The following SETX variants were observed in gnomAD, a reference collection of about 807,000 sequenced individuals.
SETX encodes the protein helicase senataxin.
SETX carries 90 observed loss-of-function variants against 227.2 expected under a neutral mutation model. That is an observed-to-expected ratio of 0.40 (90% confidence interval 0.33 to 0.47). SETX has a LOEUF of 0.47. Ranked by LOEUF, SETX falls within the 20% of genes least tolerant of loss-of-function variation. SETX has a pLI of 0.91. For synonymous variants in SETX, 1,210 were observed against 1,113.2 expected (o/e 1.09, Z -1.73); for missense variants, 3,052 against 3,181.5 (o/e 0.96, Z 0.98).
In SETX at chr9:132,288,289, G is replaced by A. The variant is rs765042093; in HGVS notation, c.6271C>T (p.Leu2091=). The change falls in exon 17 of 26, where the codon CTG becomes TTG. Residue 2091 remains leucine, a synonymous_variant. Coordinates refer to ENST00000224140, the MANE Select transcript of SETX (RefSeq NM_015046.7). ...GCTCGCTGCCGGGAAAGCTCATCCA[G>A]CTGATAATCTAGAAATTCCTTTCTT... The part of the protein sequence containing the change: ...HKRKEFLDYQ[L]DELSRQRALC... The A allele has an allele frequency of 1.2e-6, 2 of 1,614,224 alleles. No homozygotes were observed. The highest frequency in any genetic ancestry group is 1.7e-6 in the Non-Finnish European group (2 of 1,180,032).
chr9:132,269,534 A>G, intron 25 of SETX, 81 bp downstream of exon 25: 2 of 1,608,416 alleles, frequency 1.2e-6, no homozygotes, highest in Non-Finnish European at 8.5e-7. Context: ...GAAATCATTT[A>G]CACTTTGATG....
intron 10 of SETX, among the ~76,000 whole-genome samples, chr9:132,313,525 G>A (rs1273889346): frequency 6.6e-6 from 1 of 152,128 alleles, no homozygotes; most frequent in African/African-American, 2.4e-5. Flanking sequence ...GAGAAACTTA[G>A]CTAGGTAAAA....
At chr9:132,350,150 C>T (rs1848527964) in intron 2 of SETX, among the ~76,000 whole-genome samples, 1 of 152,240 alleles carries the variant, frequency 6.6e-6, no homozygotes, top group Non-Finnish European at 1.5e-5. Flanking sequence ...GTCCGCAGTT[C>T]GAGACCAGCC....
chr9:132,326,930 T>C lies in SETX; in HGVS notation c.4668A>G (p.Glu1556=). The C allele has an allele frequency of 6.2e-7, 1 of 1,614,214 alleles. No individual in the cohort carries two copies. The highest frequency in any genetic ancestry group is 8.5e-7 in the Non-Finnish European group (1 of 1,180,040). The change falls in exon 10 of 26, where the codon GAA becomes GAG. Residue 1556 remains glutamate (E), a synonymous_variant. Coordinates refer to ENST00000224140, the MANE Select transcript of SETX (RefSeq NM_015046.7). ...AGTATTCACCCTGGTTTTTTGTGGT[T>C]TCAAGACAATCTTTGTACTTACACT... ...GTKCKYKDCL[E]TTKNQGEYCP...
rs1564512999 is a variant in SETX, at chr9:132,305,076, GCA to G, written c.5375-4275_5375-4274del. Among the ~76,000 whole-genome samples the G allele has an allele frequency of 5.9e-5, 9 of 151,904 alleles. No homozygotes were observed. In the East Asian group the frequency reaches 1.8e-3, roughly 30 times the overall value. ...TATAAAAAACTATTTTGGGCCAGGC[GCA>G]GTGGCTCACGCCTCACCTGTAATCC... On this transcript the variant is annotated intron_variant, in intron 11 of 25. Coordinates refer to ENST00000224140, the MANE Select transcript of SETX (RefSeq NM_015046.7).
At chr9:132,338,335 C>T (rs1847761587) in intron 5 of SETX, among the ~76,000 whole-genome samples, 1 of 152,112 alleles carries the variant, frequency 6.6e-6, no homozygotes, top group Non-Finnish European at 1.5e-5. Context: ...TCATGATCCA[C>T]CCACCTCGGC....
chr9:132,330,100 A>G lies in SETX; in HGVS notation c.1498T>C (p.Phe500Leu). Residue 500 changes from phenylalanine to leucine, a missense_variant, in exon 10 of 26, where the codon TTT (phenylalanine) becomes CTT (leucine). Physicochemically the swap from Phe to Leu is conservative, Grantham distance 22. Coordinates refer to ENST00000224140, the MANE Select transcript of SETX (RefSeq NM_015046.7). Reference sequence around the variant, plus strand: ...GATGATTTCTCAGAACTCCGTGTAAACGCAGTGGTAGGAAGCTTGGCACAT... The same window carrying G: ...GATGATTTCTCAGAACTCCGTGTAAGCGCAGTGGTAGGAAGCTTGGCACAT... ...VKCAKLPTTA[F>L]TRSSEKSSGN... The G allele has an allele frequency of 5.0e-6, 8 of 1,614,194 alleles. No homozygotes were observed. Among genetic ancestry groups the G allele is most frequent in the Non-Finnish European group, 6.8e-6 (8 of 1,179,988 alleles).
intron 10 of SETX, among the ~76,000 whole-genome samples, chr9:132,325,532 T>C (rs1272038903): frequency 6.6e-6 from 1 of 152,216 alleles, no homozygotes; most frequent in African/African-American, 2.4e-5. Context: ...CTATCTCCTC[T>C]GAGAAGTCTT....
rs1006282331 is a variant in SETX at position 132,277,274 on chromosome 9, A to C, written c.6843-122T>G. Reference sequence around the variant, plus strand: ...CTGGGGCAAGTAAGGGGATAGCAGGAATATTCTTTTCTAGACGTGTATTAG... The same window carrying C: ...CTGGGGCAAGTAAGGGGATAGCAGGCATATTCTTTTCTAGACGTGTATTAG... On this transcript the variant is annotated intron_variant, in intron 21 of 25. Coordinates refer to ENST00000224140, the MANE Select transcript of SETX (RefSeq NM_015046.7). The C allele has an allele frequency of 2.7e-5, 21 of 792,176 alleles. No individual in the cohort carries two copies. The African/African-American group carries it at 3.4e-4, about 13-fold the overall frequency. 49.1% of individuals were successfully genotyped at this position (792,176 alleles called of 1,614,324 possible). A position where few individuals can be genotyped will look rare whatever the true frequency, so the allele number is the denominator to read the frequency against.
intron 7 of SETX, 21 bp from the exon 8 acceptor site, chr9:132,331,469 C>T (rs558199305): frequency 2.8e-5 from 45 of 1,611,470 alleles, no homozygotes; most frequent in Non-Finnish European, 3.6e-5. Context: ...ATGGCACAAT[C>T]GTTGAATTAC....
intron 18 of SETX, among the ~76,000 whole-genome samples, chr9:132,285,012 G>A (rs1843763024): frequency 6.6e-6 from 1 of 151,740 alleles, no homozygotes; most frequent in African/African-American, 2.4e-5. Context: ...CCGAGTAGGT[G>A]GGATTACAGG....
chr9:132,324,052 T>C (rs566032166), intron 10 of SETX, among the ~76,000 whole-genome samples: 6 of 152,208 alleles, frequency 3.9e-5, no homozygotes, highest in Non-Finnish European at 7.3e-5. Flanking sequence ...ACTCTGTATA[T>C]GTACAAATGG....
chr9:132,295,318 A>G lies in SETX; in HGVS notation c.6106+554T>C, dbSNP rs117147061. Among the ~76,000 whole-genome samples, 896 of 152,328 alleles carry G rather than the reference A, an allele frequency of 5.9e-3. 8 individuals are homozygous for G. Among genetic ancestry groups the G allele is most frequent in the Non-Finnish European group, 9.6e-3 (650 of 68,032 alleles). On this transcript the variant is annotated intron_variant, in intron 15 of 25. Coordinates refer to ENST00000224140, the MANE Select transcript of SETX (RefSeq NM_015046.7). ...ATTATTTTGAGAATTACTGACACACAGTCAACACTCAGTGACTGTAAACAA... is the reference window on the plus strand; with the variant it reads ...ATTATTTTGAGAATTACTGACACACGGTCAACACTCAGTGACTGTAAACAA...
At chr9:132,299,251 A>C (rs1394500266) in intron 12 of SETX, among the ~76,000 whole-genome samples, 1 of 152,234 alleles carries the variant, frequency 6.6e-6, no homozygotes, top group Non-Finnish European at 1.5e-5. Flanking sequence ...AAGGAAGTGC[A>C]GATGTCAGGC....
At chr9:132,346,757 G>A (rs1374326086) in intron 3 of SETX, among the ~76,000 whole-genome samples, 1 of 149,428 alleles carries the variant, frequency 6.7e-6, no homozygotes, top group Non-Finnish European at 1.5e-5. Context: ...TTCGAGACCA[G>A]CCTGGGTAGC....
chr9:132,342,548 T>A (rs2131539999), intron 5 of SETX, 142 bp downstream of exon 5: 1 of 775,222 alleles, frequency 1.3e-6, no homozygotes, highest in East Asian at 2.4e-5. Flanking sequence ...CAGAGCGCCC[T>A]CTACTTAACT....
Position 132,329,116 on chromosome 9 carries a change from C to G in SETX, c.2482G>C (p.Asp828His). The part of the protein sequence containing the change: ...SNIESFYSRK[D>H]TGVQKGDGFI... ...CCATCTCCTTTCTGAACTCCTGTAT[C>G]TTTCCTTGAATAGAAACTCTCAATG... is the stretch of plus-strand genomic sequence containing the variant. The change falls in exon 10 of 26, where the codon GAT (aspartate) becomes CAT (histidine). Residue 828 changes from aspartate to histidine, a missense_variant. Asp to His is a moderately conservative substitution (Grantham distance 81, BLOSUM62 -1). Around this residue, in one of 10 missense-constraint regions of SETX, gnomAD observed 1,483 missense variants for 1,312.0 expected, o/e 1.13. Coordinates refer to ENST00000224140, the MANE Select transcript of SETX (RefSeq NM_015046.7). The G allele has an allele frequency of 6.2e-7, 1 of 1,610,130 alleles. No homozygotes were observed. The highest frequency in any genetic ancestry group is 1.1e-5 in the South Asian group (1 of 90,612).
chr9:132,321,826 C>A (rs758584567), intron 10 of SETX, among the ~76,000 whole-genome samples: 28 of 151,796 alleles, frequency 1.8e-4, no homozygotes, highest in Non-Finnish European at 3.1e-4. Context: ...CCAGCCTGGG[C>A]AACAGAGTGA....
At chr9:132,352,261 T>C (rs1460830257) in intron 2 of SETX, among the ~76,000 whole-genome samples, 1 of 152,176 alleles carries the variant, frequency 6.6e-6, no homozygotes, top group Non-Finnish European at 1.5e-5. Flanking sequence ...CAACACACCA[T>C]TTTTTGGACA....
Sources: allele counts gnomAD v4.1 joint callset (sites outside exome capture counted in the v4.1 genomes callset), GRCh38; gene constraint gnomAD v4.1.1; regional missense constraint gnomAD v4.1.1; transcripts MANE v1.5; gene names NCBI Gene and HGNC (gene_info 2026-07-23, HGNC 2026-07-21).